Variants in DCC observed in about 807,000 individuals in gnomAD.
The protein encoded by DCC is DCC netrin 1 receptor, also known as netrin receptor DCC.
Under a neutral mutation model 172.5 loss-of-function variants are expected in DCC, and 58 were observed. That is an observed-to-expected ratio of 0.34 (90% CI 0.27 to 0.42). DCC has a LOEUF of 0.42. Ranked by LOEUF, DCC falls within the 10% of genes least tolerant of loss-of-function variation. The pLI, the probability that DCC is intolerant of heterozygous loss-of-function variation, is 1.00. For synonymous variants in DCC, 709 were observed against 644.5 expected (o/e 1.10, Z -1.52); for missense variants, 1,740 against 1,791.0 (o/e 0.97, Z 0.51).
intron 12 of DCC, among the ~76,000 whole-genome samples, chr18:53,275,794 T>G (rs1403738426): frequency 6.6e-6 from 1 of 152,170 alleles, no homozygotes; most frequent in Non-Finnish European, 1.5e-5. Context: ...GCTGATAATG[T>G]GTATAACCAA....
At position 52,603,188 on chromosome 18, in the gene DCC, TAAG is replaced by T. The variant is rs1278780549; in HGVS notation, c.92-148864_92-148862del. 2.6e-5 allele frequency among the ~76,000 whole-genome samples: 4 copies of T among 152,050 alleles called. No homozygotes were observed. In the East Asian group the frequency reaches 7.7e-4, roughly 29 times the overall value. On this transcript the variant is annotated intron_variant, in intron 1 of 28. Transcript: ENST00000442544. ...GAGACTGAAAAGCTGATATTTACAA[TAAG>T]ATGACTATAGGGAAACCAAGACATA...
At chr18:52,997,776 A>G (rs2041505310) in intron 5 of DCC, among the ~76,000 whole-genome samples, 1 of 152,138 alleles carries the variant, frequency 6.6e-6, no homozygotes, top group South Asian at 2.1e-4. Flanking sequence ...TTTGTGTCCA[A>G]ACGAGTATTC....
At chr18:53,182,509 T>G (rs943241124) in intron 9 of DCC, among the ~76,000 whole-genome samples, 2 of 152,338 alleles carry the variant, frequency 1.3e-5, no homozygotes, top group Middle Eastern at 3.4e-3. Context: ...ATCCTTTACA[T>G]GTGCAAGAGA....
intron 1 of DCC, among the ~76,000 whole-genome samples, chr18:52,579,902 A>T (rs1383094875): frequency 6.6e-6 from 1 of 152,252 alleles, no homozygotes; most frequent in African/African-American, 2.4e-5. Context: ...TCACCCTAGA[A>T]AATTGTACTG....
At chr18:52,556,157 C>G (rs2144731462) in intron 1 of DCC, among the ~76,000 whole-genome samples, 1 of 152,236 alleles carries the variant, frequency 6.6e-6, no homozygotes, top group South Asian at 2.1e-4. Context: ...CCTATACATT[C>G]CTCATAGAAA....
At chr18:53,062,391 G>A (rs930838744) in intron 5 of DCC, among the ~76,000 whole-genome samples, 2 of 152,160 alleles carry the variant, frequency 1.3e-5, no homozygotes, top group South Asian at 4.2e-4. Context: ...TCTACCTTTG[G>A]TAATGGCTAC....
intron 1 of DCC, among the ~76,000 whole-genome samples, chr18:52,408,891 A>C (rs193102620): frequency 6.6e-6 from 1 of 152,110 alleles, no homozygotes; most frequent in African/African-American, 2.4e-5. Context: ...GATTTGTGGG[A>C]GTTTGGGGAG....
intron 2 of DCC, among the ~76,000 whole-genome samples, chr18:52,776,663 A>G (rs146396235): frequency 8.9e-4 from 135 of 152,294 alleles, no homozygotes; most frequent in African/African-American, 3.1e-3. Flanking sequence ...TGGATCTACT[A>G]TACGATTTAA....
At chr18:52,890,885 G>T (rs915645323) in intron 2 of DCC, among the ~76,000 whole-genome samples, 4 of 151,952 alleles carry the variant, frequency 2.6e-5, no homozygotes, top group Non-Finnish European at 2.9e-5. Context: ...CATAGAACCT[G>T]GCAAAATTTA....
chr18:52,688,897 A>G (rs2035884576), intron 1 of DCC, among the ~76,000 whole-genome samples: 1 of 152,172 alleles, frequency 6.6e-6, no homozygotes, highest in East Asian at 1.9e-4. Context: ...ACTAAGCAAC[A>G]GTAACTTATT....
intron 1 of DCC, among the ~76,000 whole-genome samples, chr18:52,618,206 GAA>G: frequency 6.7e-6 from 1 of 149,848 alleles, no homozygotes; most frequent in East Asian, 2.0e-4. Flanking sequence ...CTTTAGAATG[GAA>G]AAAAAAACTT....
chr18:52,466,151 C>A (rs1663854900), intron 1 of DCC, among the ~76,000 whole-genome samples: 1 of 152,088 alleles, frequency 6.6e-6, no homozygotes, highest in Non-Finnish European at 1.5e-5. Flanking sequence ...TGGCTTGTTG[C>A]AAGTCTCTCA....
At chr18:52,812,764 C>G (rs1413871281) in intron 2 of DCC, among the ~76,000 whole-genome samples, 1 of 152,216 alleles carries the variant, frequency 6.6e-6, no homozygotes, top group East Asian at 1.9e-4. Flanking sequence ...ACATTATGTA[C>G]TTGCTGCTCA....
intron 2 of DCC, among the ~76,000 whole-genome samples, chr18:52,768,550 A>G (rs183727773): frequency 6.6e-6 from 1 of 152,158 alleles, no homozygotes; most frequent in African/African-American, 2.4e-5. Context: ...CACGACAAAA[A>G]CCTGACTGAT....
At chr18:53,222,376 CTTTTTTCT>C (rs1465978507) in intron 12 of DCC, among the ~76,000 whole-genome samples, 1 of 98,572 alleles carries the variant, frequency 1.0e-5, no homozygotes, top group Admixed American at 1.3e-4. Flanking sequence ...TTTTCTTTTT[CTTTTTTCT>C]TTTTTTTTTT....
chr18:52,842,033 A>G (rs192051745), intron 2 of DCC, among the ~76,000 whole-genome samples: 6 of 152,076 alleles, frequency 3.9e-5, no homozygotes, highest in African/African-American at 1.4e-4. Context: ...CATATATATC[A>G]ATGAAACTAT....
rs537858073 is a variant in DCC at position 53,118,527 on chromosome 18, A to G, written c.1262-38829A>G. Among the ~76,000 whole-genome samples the G allele has an allele frequency of 1.8e-4, 27 of 151,838 alleles. No homozygotes were observed. The East Asian group carries it at 4.9e-3, about 27-fold the overall frequency. ...ATATTGTTAAATTTCCAACACTTAT[A>G]TTCATTCCTTTGGGAAGAATTCCAG... On this transcript the variant is annotated intron_variant, in intron 7 of 28. Coordinates refer to ENST00000442544, the MANE Select transcript of DCC (RefSeq NM_005215.4).
chr18:52,868,541 G>A (rs1031080560), intron 2 of DCC, among the ~76,000 whole-genome samples: 4 of 152,204 alleles, frequency 2.6e-5, no homozygotes, highest in Non-Finnish European at 5.9e-5. Flanking sequence ...CTAGCACAGG[G>A]TGGCTGTCTT....
intron 7 of DCC, among the ~76,000 whole-genome samples, chr18:53,106,289 A>C (rs140960990): frequency 6.6e-6 from 1 of 152,042 alleles, no homozygotes; most frequent in African/African-American, 2.4e-5. Flanking sequence ...GCAGAGTGGA[A>C]TGTCCTGTTC....
Sources: gnomAD v4.1 joint callset for allele counts (sites outside exome capture counted in the v4.1 genomes callset) on GRCh38, gnomAD v4.1.1 for gene constraint, MANE v1.5 for transcripts, NCBI Gene and HGNC (gene_info 2026-07-23, HGNC 2026-07-21) for gene names.